Variants in CHD7 observed in about 807,000 individuals in gnomAD.
CHD7 encodes chromodomain helicase DNA binding protein 7.
CHD7 carries 24 observed loss-of-function variants against 307.3 expected under a neutral mutation model. That is an observed-to-expected ratio of 0.08 (90% CI 0.06 to 0.11). The LOEUF is 0.11. Among genes scored for constraint, CHD7 ranks in the 10% least tolerant of loss-of-function variants. CHD7 has a pLI of 1.00. For missense variants in CHD7, 3,106 were observed against 3,727.1 expected (o/e 0.83, Z 4.34); for synonymous variants, 1,363 against 1,349.9 (o/e 1.01, Z -0.21).
Position 60,867,772 on chromosome 8 carries a change from C to G in CHD7, c.*1839C>G, listed in dbSNP as rs1806285127. 6.6e-6 allele frequency: 1 copy of G among 152,300 alleles called. No homozygotes were observed. Among genetic ancestry groups the G allele is most frequent in the Non-Finnish European group, 1.5e-5 (1 of 68,024 alleles). The allele number at this position is 152,300 out of a possible 1,614,324, so 9.4% of individuals were successfully genotyped here. A position where few individuals can be genotyped will look rare whatever the true frequency, so the allele number is the denominator to read the frequency against. On this transcript the variant is annotated 3_prime_UTR_variant, in exon 38 of 38. Coordinates refer to ENST00000423902, the MANE Select transcript of CHD7 (RefSeq NM_017780.4). ...CCCCTTAATGATTCTGGGAAAGAAA[C>G]AACCTGAACCCTCCACCTTACAGAT...
chr8:60,810,908 A>T (rs1189587177), intron 7 of CHD7, among the ~76,000 whole-genome samples: 1 of 152,192 alleles, frequency 6.6e-6, no homozygotes, highest in Non-Finnish European at 1.5e-5. Context: ...ACTGAGCATT[A>T]CCACCTGAGC....
At chr8:60,782,098 G>A (rs1234974036) in intron 3 of CHD7, among the ~76,000 whole-genome samples, 3 of 152,172 alleles carry the variant, frequency 2.0e-5, no homozygotes, top group Non-Finnish European at 2.9e-5. Flanking sequence ...AGACATTGAA[G>A]ACTAATTTTT....
chr8:60,772,454 C>CAATTCTG (rs1810756155), intron 2 of CHD7, among the ~76,000 whole-genome samples: 1 of 152,196 alleles, frequency 6.6e-6, no homozygotes, highest in Admixed American at 6.5e-5. Context: ...TTTCTTCTTT[C>CAATTCTG]CAGTTTAAAG....
chr8:60,741,906 C>G lies in CHD7; in HGVS notation c.474C>G (p.Ala158=). ...TTCAGGTACCAGACCAGATACGAGC[C>G]CCCTACCAGCAGCAGCAGCCACAGC... ...RAVQVPDQIR[A]PYQQQQPQPQ... is the part of the protein sequence containing the mutation. The change falls in exon 2 of 38, where the codon GCC becomes GCG. Residue 158 remains alanine, a synonymous_variant. Coordinates refer to ENST00000423902, the MANE Select transcript of CHD7 (RefSeq NM_017780.4). 2 of 1,613,166 alleles carry G rather than the reference C, an allele frequency of 1.2e-6. No homozygotes were observed. Among genetic ancestry groups the G allele is most frequent in the Non-Finnish European group, 1.7e-6 (2 of 1,179,628 alleles).
At chr8:60,710,919 G>T (rs1249688580) in intron 1 of CHD7, among the ~76,000 whole-genome samples, 1 of 152,250 alleles carries the variant, frequency 6.6e-6, no homozygotes, top group African/African-American at 2.4e-5. Context: ...GAGTTTGTTA[G>T]CTTTGGAAAG....
chr8:60,682,270 T>C (rs1805667303), intron 1 of CHD7, among the ~76,000 whole-genome samples: 1 of 152,228 alleles, frequency 6.6e-6, no homozygotes, highest in Admixed American at 6.5e-5. Flanking sequence ...CTTTCTAGGT[T>C]AGCCTTACTT....
rs1805406966 is a variant in CHD7, at chr8:60,678,810, G to GCGGCGGCGGCGGCGGCGGC, written c.-445_-444insGCGGCGGCGGCGGCGGCCG. ...GGCGGCAGCGGCGGCGGCGGCGGCGGCGCGGGGGTTGAGTCGTGGTGGTGC... is the reference window on the plus strand; with the variant it reads ...GGCGGCAGCGGCGGCGGCGGCGGCGGCGGCGGCGGCGGCGGCGGCCGCGGGGGTTGAGTCGTGGTGGTGC... On this transcript the variant is annotated 5_prime_UTR_variant, in exon 1 of 38. Transcript: ENST00000423902. 1 of 148,096 alleles carries GCGGCGGCGGCGGCGGCGGC rather than the reference G, an allele frequency of 6.8e-6. No homozygotes were observed. Among genetic ancestry groups the GCGGCGGCGGCGGCGGCGGC allele is most frequent in the Admixed American group, 6.8e-5 (1 of 14,744 alleles). 9.2% of individuals were successfully genotyped at this position (148,096 alleles called of 1,614,324 possible). A position where few individuals can be genotyped will look rare whatever the true frequency, so the allele number is the denominator to read the frequency against.
chr8:60,816,789 A>G (rs1389823559), intron 8 of CHD7, among the ~76,000 whole-genome samples: 1 of 152,222 alleles, frequency 6.6e-6, no homozygotes, highest in Non-Finnish European at 1.5e-5. Context: ...GAAATTAAGT[A>G]AGTGGACAGA....
intron 24 of CHD7, among the ~76,000 whole-genome samples, 183 bp downstream of exon 24, chr8:60,848,787 G>A (rs977622567): frequency 2.6e-5 from 4 of 152,122 alleles, no homozygotes; most frequent in African/African-American, 7.2e-5. Flanking sequence ...AAGGCTGTTT[G>A]CATTTATGTT....
At position 60,742,816 on chromosome 8, in the gene CHD7, A is replaced by G. The variant is rs758801802; in HGVS notation, c.1384A>G (p.Ile462Val). ...AAACATGCAGCAGTCTCGTCCATTT[A>G]TAGGCATGTCCTCGGCACCAAGGGA... ...PRNMQQSRPFIGMSSAPRELT... is the reference protein window; with the variant it reads ...PRNMQQSRPFVGMSSAPRELT... The change falls in exon 2 of 38, where the codon ATA becomes GTA. Residue 462 changes from isoleucine to valine, a missense_variant. Ile to Val is a conservative substitution (Grantham distance 29). This residue lies in a region of CHD7 where 998 missense variants were observed against 1,004.5 expected (regional missense o/e 0.99). Coordinates refer to ENST00000423902, the MANE Select transcript of CHD7 (RefSeq NM_017780.4). The G allele has an allele frequency of 3.1e-6, 5 of 1,613,932 alleles. No individual in the cohort carries two copies. The highest frequency in any genetic ancestry group is 4.2e-6 in the Non-Finnish European group (5 of 1,179,850).
chr8:60,717,129 T>C (rs934530041), intron 1 of CHD7, among the ~76,000 whole-genome samples: 2 of 152,018 alleles, frequency 1.3e-5, no homozygotes, highest in Non-Finnish European at 2.9e-5. Context: ...TTGTCCCGTT[T>C]ACTGGTGATA....
chr8:60,780,650 A>G lies in CHD7; in HGVS notation c.1666-350A>G, dbSNP rs375625835. ...TGGGGCTAGAACTCAACTTAGATGT[A>G]TTCTTTGTGGCTTAGTCTTGGTGCT... On this transcript the variant is annotated intron_variant, in intron 2 of 37. Coordinates refer to ENST00000423902, the MANE Select transcript of CHD7 (RefSeq NM_017780.4). 6.6e-5 allele frequency among the ~76,000 whole-genome samples: 10 copies of G among 152,288 alleles called. No homozygotes were observed. The South Asian group carries it at 1.2e-3, about 19-fold the overall frequency.
chr8:60,710,621 T>G (rs781311915), intron 1 of CHD7, among the ~76,000 whole-genome samples: 1 of 152,246 alleles, frequency 6.6e-6, no homozygotes, highest in Non-Finnish European at 1.5e-5. Flanking sequence ...TTGAGGTATT[T>G]TAAATGCAAA....
intron 1 of CHD7, among the ~76,000 whole-genome samples, chr8:60,734,865 G>A (rs1035342464): frequency 6.6e-6 from 1 of 152,140 alleles, no homozygotes; most frequent in Non-Finnish European, 1.5e-5. Context: ...ATCAGGGAGA[G>A]GTATGATGTA....
chr8:60,813,207 T>C (rs1386856093), intron 7 of CHD7, among the ~76,000 whole-genome samples: 1 of 152,200 alleles, frequency 6.6e-6, no homozygotes, highest in Non-Finnish European at 1.5e-5. Flanking sequence ...TTGGTAATTG[T>C]TGTTGTGAAT....
chr8:60,850,257 A>G (rs541942951), intron 25 of CHD7, among the ~76,000 whole-genome samples: 4 of 152,320 alleles, frequency 2.6e-5, no homozygotes, highest in African/African-American at 9.6e-5. Context: ...CTGTTTTTCT[A>G]TTAGTGTTTG....
At chr8:60,731,387 T>G (rs1808450686) in intron 1 of CHD7, among the ~76,000 whole-genome samples, 1 of 152,210 alleles carries the variant, frequency 6.6e-6, no homozygotes, top group Non-Finnish European at 1.5e-5. Flanking sequence ...CAGTGCCTGA[T>G]AAATGCTTAG....
At chr8:60,690,964 T>A (rs1433496984) in intron 1 of CHD7, among the ~76,000 whole-genome samples, 1 of 152,196 alleles carries the variant, frequency 6.6e-6, no homozygotes, top group Non-Finnish European at 1.5e-5. Context: ...CTGCTCTGTC[T>A]CACAGGCTGG....
intron 2 of CHD7, among the ~76,000 whole-genome samples, chr8:60,748,454 G>C (rs1008069724): frequency 6.6e-6 from 1 of 152,176 alleles, no homozygotes; most frequent in African/African-American, 2.4e-5. Context: ...GGTGTTTTCA[G>C]CATGGACACA....
Sources: allele counts gnomAD v4.1 joint callset (sites outside exome capture counted in the v4.1 genomes callset), GRCh38; gene constraint gnomAD v4.1.1; regional missense constraint gnomAD v4.1.1; transcripts MANE v1.5; gene names NCBI Gene and HGNC (gene_info 2026-07-23, HGNC 2026-07-21).